PDE1C: variants seen among roughly 807,000 people sequenced by gnomAD.
PDE1C encodes phosphodiesterase 1C, also known as dual specificity calcium/calmodulin-dependent 3',5'-cyclic nucleotide phosphodiesterase 1C.
In PDE1C, 62 loss-of-function variants were observed where a neutral mutation model predicts 93.1. The observed-to-expected ratio is 0.67, with a 90% CI of 0.54 to 0.82. The LOEUF (loss-of-function observed/expected upper bound fraction) is 0.82. Ranked by LOEUF, PDE1C falls within the 40% of genes least tolerant of loss-of-function variation. The pLI is 0.00. For missense variants in PDE1C, 742 were observed against 884.6 expected, an observed-to-expected ratio of 0.84 and a Z score of 2.04; for synonymous variants, 325 against 310.1, an observed-to-expected ratio of 1.05 and a Z score of -0.50.
At chr7:32,288,126 C>T (rs905614768) in intron 1 of PDE1C, among the ~76,000 whole-genome samples, 1 of 152,030 alleles carries the variant, frequency 6.6e-6, no homozygotes, top group African/African-American at 2.4e-5. Flanking sequence ...TGCACTCCAG[C>T]GTGGGCAACA....
intron 3 of PDE1C, among the ~76,000 whole-genome samples, chr7:32,128,570 A>T (rs1305877972): frequency 6.6e-6 from 1 of 151,936 alleles, no homozygotes; most frequent in Non-Finnish European, 1.5e-5. Context: ...TTCAGTTATA[A>T]AATGTAAATA....
intron 14 of PDE1C, among the ~76,000 whole-genome samples, chr7:31,816,917 C>T (rs143737417): frequency 6.6e-6 from 1 of 152,244 alleles, no homozygotes; most frequent in East Asian, 1.9e-4. Flanking sequence ...AAGGGCTTGG[C>T]TCTGTGCTTA....
chr7:31,906,701 C>T (rs1800631648), intron 2 of PDE1C, among the ~76,000 whole-genome samples: 2 of 152,178 alleles, frequency 1.3e-5, no homozygotes, highest in Non-Finnish European at 2.9e-5. Context: ...GCCCAGGAGT[C>T]TAGCATGTGA....
At chr7:31,811,159 T>C (rs1787500336) in intron 15 of PDE1C, among the ~76,000 whole-genome samples, 1 of 152,090 alleles carries the variant, frequency 6.6e-6, no homozygotes, top group Non-Finnish European at 1.5e-5. Context: ...TGGTAATGAA[T>C]AAGTCTCACG....
intron 2 of PDE1C, among the ~76,000 whole-genome samples, chr7:32,021,630 T>C (rs377031617): frequency 6.6e-6 from 1 of 152,164 alleles, no homozygotes; most frequent in African/African-American, 2.4e-5. Context: ...ATTCCTTGGC[T>C]GAAGAATTTT....
At chr7:32,033,634 T>C (rs1161311259) in intron 2 of PDE1C, among the ~76,000 whole-genome samples, 2 of 151,972 alleles carry the variant, frequency 1.3e-5, no homozygotes, top group Non-Finnish European at 2.9e-5. Context: ...GACCCTGAAC[T>C]GTCACCTTGA....
chr7:31,899,753 A>G (rs1166255252), intron 2 of PDE1C, among the ~76,000 whole-genome samples: 2 of 152,154 alleles, frequency 1.3e-5, no homozygotes, highest in Admixed American at 6.5e-5. Context: ...AGATTAATCT[A>G]TTACCCAGTT....
chr7:32,200,162 G>GT (rs1242811958), intron 2 of PDE1C, among the ~76,000 whole-genome samples: 1 of 152,158 alleles, frequency 6.6e-6, no homozygotes, highest in African/African-American at 2.4e-5. Flanking sequence ...AATTATCTGT[G>GT]TTTGCTGACT....
At chr7:32,304,530 T>C (rs961118605) in intron 1 of PDE1C, among the ~76,000 whole-genome samples, 2 of 152,102 alleles carry the variant, frequency 1.3e-5, no homozygotes, top group Admixed American at 1.3e-4. Context: ...CATGGCTCCA[T>C]AGCAAATAGG....
intron 1 of PDE1C, among the ~76,000 whole-genome samples, chr7:32,215,263 A>T (rs1406101084): frequency 1.3e-5 from 2 of 152,106 alleles, no homozygotes; most frequent in Non-Finnish European, 2.9e-5. Context: ...CATGTGAGGG[A>T]TCTAGGCTGC....
chr7:32,311,067 A>G (rs1783026200), intron 1 of PDE1C, among the ~76,000 whole-genome samples: 1 of 152,214 alleles, frequency 6.6e-6, no homozygotes, highest in African/African-American at 2.4e-5. Context: ...ATGATAAAGA[A>G]GATATCACCA....
intron 7 of PDE1C, among the ~76,000 whole-genome samples, chr7:31,852,540 G>A (rs1385183705): frequency 6.6e-6 from 1 of 152,030 alleles, no homozygotes; most frequent in Non-Finnish European, 1.5e-5. Flanking sequence ...CCCCCATGTG[G>A]CAGGCACTAT....
chr7:31,856,829 G>A (rs1190624629), intron 7 of PDE1C, among the ~76,000 whole-genome samples: 1 of 152,122 alleles, frequency 6.6e-6, no homozygotes, highest in Non-Finnish European at 1.5e-5. Context: ...AACACGGGCT[G>A]CGTGGCTTAA....
At chr7:31,774,851 T>C (rs924577151) in intron 17 of PDE1C, among the ~76,000 whole-genome samples, 1 of 152,356 alleles carries the variant, frequency 6.6e-6, no homozygotes, top group Middle Eastern at 3.4e-3. Context: ...CCCTGAGTGG[T>C]AGCATTATTG....
chr7:31,726,146 G>A, the PDE1C span, among the ~76,000 whole-genome samples: 1 of 152,194 alleles, frequency 6.6e-6, no homozygotes, highest in African/African-American at 2.4e-5. Flanking sequence ...ATAGCTGACT[G>A]TAGCCTCAAA....
the PDE1C span, chr7:31,656,526 A>G: frequency 1.1e-6 from 1 of 883,600 alleles, no homozygotes; most frequent in Non-Finnish European, 1.3e-6. Flanking sequence ...CTTCTGTTGA[A>G]AAGAACTGTT....
intron 2 of PDE1C, among the ~76,000 whole-genome samples, chr7:31,933,159 C>T (rs1804555420): frequency 6.6e-6 from 1 of 152,008 alleles, no homozygotes; most frequent in South Asian, 2.1e-4. Context: ...GTGCAGCAAG[C>T]CACCATGGTA....
chr7:32,315,606 G>T (rs114591987), intron 1 of PDE1C, among the ~76,000 whole-genome samples: 1,747 of 152,230 alleles, frequency 0.011, 41 homozygotes, highest in African/African-American at 0.04. Flanking sequence ...AAATTTTCTA[G>T]CATGCTCATA....
At chr7:32,282,485 A>ATAGATAGATAGATAGATAGATAG (rs1554300216) in intron 1 of PDE1C, among the ~76,000 whole-genome samples, 7 of 143,860 alleles carry the variant, frequency 4.9e-5, no homozygotes, top group Non-Finnish European at 7.5e-5. Flanking sequence ...TCAAAAAAAA[A>ATAGATAGATAGATAGATAGATAG]ATAGATAGAT....
Sources: gnomAD v4.1 joint callset for allele counts (sites outside exome capture counted in the v4.1 genomes callset) on GRCh38, gnomAD v4.1.1 for gene constraint, MANE v1.5 for transcripts, NCBI Gene and HGNC (gene_info 2026-07-23, HGNC 2026-07-21) for gene names.